Variants in PTPRU observed in about 807,000 individuals in gnomAD.
The protein encoded by PTPRU is receptor-type tyrosine-protein phosphatase U.
PTPRU carries 69 observed loss-of-function variants against 166.3 expected under a neutral mutation model. That is an observed-to-expected ratio of 0.41 (90% CI 0.34 to 0.51). The LOEUF (loss-of-function observed/expected upper bound fraction) is 0.51, where lower values mean the gene tolerates loss of function less well. Among genes scored for constraint, PTPRU ranks in the 20% least tolerant of loss-of-function variants. PTPRU has a pLI of 0.09. For synonymous variants in PTPRU, 793 were observed against 814.0 expected (o/e 0.97, Z 0.44); for missense variants, 1,657 against 2,013.7 (o/e 0.82, Z 3.39).
chr1:29,312,812 C>T (rs1190205038), intron 22 of PTPRU, 106 bp downstream of exon 22: 2 of 1,384,460 alleles, frequency 1.4e-6, no homozygotes, highest in Non-Finnish European at 1.9e-6. Context: ...GGCCTGGGTT[C>T]TCCTGCTTAG....
At chr1:29,248,490 A>G (rs909040416) in intron 1 of PTPRU, among the ~76,000 whole-genome samples, 1 of 152,194 alleles carries the variant, frequency 6.6e-6, no homozygotes, top group East Asian at 1.9e-4. Context: ...GTGAAATCCC[A>G]GCCCCTAAAT....
Position 29,260,142 on chromosome 1 carries a change from T to TGGGGGGG in PTPRU, c.850+102_850+103insGGGGGGG. The TGGGGGGG allele has an allele frequency of 7.9e-6, 4 of 508,738 alleles. No individual in the cohort carries two copies. The highest frequency in any genetic ancestry group is 7.2e-5 in the Admixed American group (1 of 13,920). 31.5% of individuals were successfully genotyped at this position (508,738 alleles called of 1,614,324 possible). ...TGCCCGGGGGCGTGGCCGTGGGGGG[T>TGGGGGGG]GGGGCCGGCAGGGTGTCGCTGGGGC... On this transcript the variant is annotated intron_variant, in intron 6 of 29. Transcript: ENST00000373779. The surrounding 1 kb of genome is among the most constrained non-coding windows in gnomAD (Gnocchi z 8.3).
At chr1:29,302,996 G>A (rs74067325) in intron 15 of PTPRU, among the ~76,000 whole-genome samples, 1,639 of 152,324 alleles carry the variant, frequency 0.011, 23 homozygotes, top group African/African-American at 0.037. Context: ...CCAGGTCCAT[G>A]GAGTAGGCTC....
intron 7 of PTPRU, among the ~76,000 whole-genome samples, chr1:29,270,112 T>C (rs1685497186): frequency 6.6e-6 from 1 of 152,116 alleles, no homozygotes; most frequent in South Asian, 2.1e-4. Flanking sequence ...CTTTTAAATA[T>C]ATTGCTTTAA....
At chr1:29,240,267 G>A (rs987246956) in intron 1 of PTPRU, among the ~76,000 whole-genome samples, 1 of 152,152 alleles carries the variant, frequency 6.6e-6, no homozygotes, top group African/African-American at 2.4e-5. Context: ...ACATAGCATT[G>A]TAATTATTGT....
chr1:29,245,824 G>A (rs1684271133), intron 1 of PTPRU, among the ~76,000 whole-genome samples: 1 of 152,122 alleles, frequency 6.6e-6, no homozygotes, highest in African/African-American at 2.4e-5. Context: ...TCAACACATG[G>A]TTTTCTGTGG....
chr1:29,325,384 G>A (rs1688363556), intron 29 of PTPRU, 58 bp downstream of exon 29: 3 of 1,590,304 alleles, frequency 1.9e-6, no homozygotes, highest in Non-Finnish European at 2.6e-6. Flanking sequence ...TGCCAGGCCA[G>A]GTTCCTTAGC....
rs766206106 is a variant in PTPRU at position 29,283,924 on chromosome 1, C to T, written c.2143-16C>T. The T allele has an allele frequency of 6.2e-7, 1 of 1,614,040 alleles. No homozygotes were observed. The highest frequency in any genetic ancestry group is 2.2e-5 in the East Asian group (1 of 44,864). ...CGGGGCTTCAGCAACGCTGAGACCC[C>T]CATCTGTGCCTCCAGGAGACCCGGC... On this transcript the variant is annotated splice_polypyrimidine_tract_variant and intron_variant, in intron 12 of 29. Coordinates refer to ENST00000373779, the MANE Select transcript of PTPRU (RefSeq NM_133178.4).
intron 1 of PTPRU, among the ~76,000 whole-genome samples, chr1:29,239,638 C>T (rs1356998690): frequency 6.6e-6 from 1 of 152,140 alleles, no homozygotes; most frequent in Non-Finnish European, 1.5e-5. Flanking sequence ...GGTGGCCTTT[C>T]CATGCAGGAC....
intron 22 of PTPRU, among the ~76,000 whole-genome samples, chr1:29,314,355 C>T (rs1473428423): frequency 6.6e-6 from 1 of 152,192 alleles, no homozygotes; most frequent in Admixed American, 6.5e-5. Context: ...AGTTAAGCCC[C>T]ACCAGGGGTA....
At chr1:29,261,866 A>G (rs1277925307) in intron 7 of PTPRU, among the ~76,000 whole-genome samples, 1 of 152,178 alleles carries the variant, frequency 6.6e-6, no homozygotes, top group East Asian at 1.9e-4. Context: ...ACTAAGATAA[A>G]TGTAGAGTCA....
chr1:29,246,990 C>T (rs1437778761), intron 1 of PTPRU, among the ~76,000 whole-genome samples: 1 of 152,208 alleles, frequency 6.6e-6, no homozygotes, highest in Admixed American at 6.5e-5. Context: ...TACTCTGTTC[C>T]TCAGGACTGT....
At chr1:29,254,231 A>G (rs1424443445) in intron 1 of PTPRU, among the ~76,000 whole-genome samples, 1 of 152,186 alleles carries the variant, frequency 6.6e-6, no homozygotes, top group African/African-American at 2.4e-5. Context: ...TGGGGCTCCA[A>G]ACACTAAGGT....
In PTPRU at chr1:29,259,881, G is replaced by A. The variant is rs538219831; in HGVS notation, c.687G>A (p.Gly229=). ...AERFLLQRQS[G]ALVPAAGVRH... ...TCTCTTCCCTGCAGCGGCAGAGCGG[G>A]GCGCTGGTGCCGGCGGCGGGCGTGC... is the stretch of plus-strand genomic sequence containing the variant. The change falls in exon 6 of 30, where the codon GGG becomes GGA. Residue 229 remains glycine, a synonymous_variant. Coordinates refer to ENST00000373779, the MANE Select transcript of PTPRU (RefSeq NM_133178.4). 3.1e-4 allele frequency: 472 copies of A among 1,531,056 alleles called. 3 individuals carry two copies. The East Asian group carries it at 8.4e-3, about 27-fold the overall frequency. 94.8% of individuals were successfully genotyped at this position (1,531,056 alleles called of 1,614,324 possible).
Position 29,238,195 on chromosome 1 carries a change from AATGT to A in PTPRU, c.73+1485_73+1488del, listed in dbSNP as rs1371324329. ...GCGCGTGTGTGTGTGCGCGCAGCTGAATGTATGTATACGGAGCCTGTGTTTGTGT... is the reference window on the plus strand; with the variant it reads ...GCGCGTGTGTGTGTGCGCGCAGCTGAATGTATACGGAGCCTGTGTTTGTGT... On this transcript the variant is annotated intron_variant, in intron 1 of 29. Transcript: ENST00000373779. This position sits in a 1 kb window ranked among gnomAD's most constrained non-coding sequence, Gnocchi z 6.1. Among the ~76,000 whole-genome samples, 2 of 151,036 alleles carry A rather than the reference AATGT, an allele frequency of 1.3e-5. No individual in the cohort carries two copies. Among genetic ancestry groups the A allele is most frequent in the African/African-American group, 4.9e-5 (2 of 41,032 alleles).
intron 14 of PTPRU, among the ~76,000 whole-genome samples, chr1:29,286,431 CTG>C (rs1004672177): frequency 2.0e-5 from 3 of 151,932 alleles, no homozygotes; most frequent in African/African-American, 7.3e-5. Context: ...GATGAAGAAA[CTG>C]TAATGAAAGC....
At chr1:29,254,611 C>G (rs536260787) in intron 1 of PTPRU, among the ~76,000 whole-genome samples, 1 of 152,340 alleles carries the variant, frequency 6.6e-6, no homozygotes, top group South Asian at 2.1e-4. Flanking sequence ...TGACTCAGAA[C>G]GCGTGGCCTG....
In PTPRU at chr1:29,279,368, C is replaced by T. The variant is rs1685955578; in HGVS notation, c.1564-88C>T. ...GTCTCCTTTGCTTAGCCTTATCTCT[C>T]ACTTCCCTGGGACATGGTGGGTGGA... On this transcript the variant is annotated intron_variant, in intron 9 of 29. Transcript: ENST00000373779. The surrounding 1 kb of genome is among the most constrained non-coding windows in gnomAD (Gnocchi z 5.2). 2.1e-6 allele frequency: 3 copies of T among 1,427,644 alleles called. No individual in the cohort carries two copies. The highest frequency in any genetic ancestry group is 1.7e-5 in the Admixed American group (1 of 58,416). 88.4% of individuals were successfully genotyped at this position (1,427,644 alleles called of 1,614,324 possible).
chr1:29,293,314 T>C (rs541114979), intron 15 of PTPRU, among the ~76,000 whole-genome samples: 12 of 151,954 alleles, frequency 7.9e-5, no homozygotes, highest in African/African-American at 2.4e-4. Flanking sequence ...GGTTTCACCA[T>C]GTTAGCCACG....
Sources: gnomAD v4.1 joint callset for allele counts (sites outside exome capture counted in the v4.1 genomes callset) on GRCh38, gnomAD v4.1.1 for gene constraint, Gnocchi (gnomAD v3.1) non-coding constraint, MANE v1.5 for transcripts, NCBI Gene and HGNC (gene_info 2026-07-23, HGNC 2026-07-21) for gene names.